Variants in AGBL4 observed in about 807,000 individuals in gnomAD.
The protein encoded by AGBL4 is AGBL carboxypeptidase 4.
AGBL4 carries 58 observed loss-of-function variants against 66.4 expected under a neutral mutation model. The ratio of observed to expected loss-of-function variants is 0.87; its 90% CI spans 0.71 to 1.09. The LOEUF (loss-of-function observed/expected upper bound fraction) is 1.09. Among genes scored for constraint, AGBL4 ranks in the 50% least tolerant of loss-of-function variants. The probability of loss-of-function intolerance (pLI) is 0.00; values close to 1 mark genes in which losing one functional copy is unlikely to be tolerated. For synonymous variants in AGBL4, 234 were observed against 222.9 expected, an observed-to-expected ratio of 1.05 and a Z score of -0.44; for missense variants, 579 against 631.0, an observed-to-expected ratio of 0.92 and a Z score of 0.88.
At chr1:48,684,091 GA>G (rs2148483482) in intron 6 of AGBL4, among the ~76,000 whole-genome samples, 1 of 152,316 alleles carries the variant, frequency 6.6e-6, no homozygotes, top group African/African-American at 2.4e-5. Context: ...TCACATCCCA[GA>G]AGGAATTGGG....
At chr1:49,196,452 C>T (rs1211152459) in intron 4 of AGBL4, among the ~76,000 whole-genome samples, 1 of 152,120 alleles carries the variant, frequency 6.6e-6, no homozygotes, top group Non-Finnish European at 1.5e-5. Context: ...TCAGATTTCT[C>T]TTGCACCTCA....
intron 3 of AGBL4, among the ~76,000 whole-genome samples, chr1:49,346,406 G>T (rs927016831): frequency 1.4e-4 from 22 of 152,116 alleles, no homozygotes; most frequent in Non-Finnish European, 2.8e-4. Context: ...GAATTGCCTG[G>T]TGATCCCACG....
Position 49,604,883 on chromosome 1 carries a change from T to C in AGBL4, c.282+92430A>G, listed in dbSNP as rs543494614. Among the ~76,000 whole-genome samples the C allele has an allele frequency of 1.4e-4, 21 of 152,316 alleles. No homozygotes were observed. In the East Asian group the frequency reaches 3.9e-3, roughly 28 times the overall value. ...AGACTTCATCTCAGAAAGATTATCA[T>C]ATATTTTTCAAACACATACAGAGCT... On this transcript the variant is annotated intron_variant, in intron 3 of 13. Transcript: ENST00000371839.
chr1:49,450,530 C>A lies in AGBL4; in HGVS notation c.283-204666G>T, dbSNP rs1334165005. ...ATTCTCTTAGGTATTTCAGAAATGTCTGATGGGGTCATTCATTTATTCATT... is the reference window on the plus strand; with the variant it reads ...ATTCTCTTAGGTATTTCAGAAATGTATGATGGGGTCATTCATTTATTCATT... On this transcript the variant is annotated intron_variant, in intron 3 of 13. Transcript: ENST00000371839. 5.3e-5 allele frequency among the ~76,000 whole-genome samples: 8 copies of A among 152,098 alleles called. No homozygotes were observed. In the South Asian group the frequency reaches 1.7e-3, roughly 32 times the overall value.
intron 2 of AGBL4, among the ~76,000 whole-genome samples, chr1:49,715,119 C>T (rs561667263): frequency 6.6e-6 from 1 of 152,180 alleles, no homozygotes; most frequent in African/African-American, 2.4e-5. Context: ...CTCCCCTAGC[C>T]CCCCAGCCCC....
chr1:49,415,120 ACTT>A (rs559058094), intron 3 of AGBL4, among the ~76,000 whole-genome samples: 133 of 152,198 alleles, frequency 8.7e-4, no homozygotes, highest in Non-Finnish European at 1.6e-3. Flanking sequence ...ACTCTTTCCT[ACTT>A]CTTCGCTAGC....
chr1:48,736,318 G>A lies in AGBL4; in HGVS notation c.635-73077C>T. 6.2e-7 allele frequency: 1 copy of A among 1,614,104 alleles called. No individual in the cohort carries two copies. Among genetic ancestry groups the A allele is most frequent in the Middle Eastern group, 1.6e-4 (1 of 6,062 alleles). ...TCTTTTTTTTTGTGGCGACGCCTGT[G>A]ACGCTTCTGTTTTTCAGAACATCTG... On this transcript the variant is annotated intron_variant, in intron 6 of 13. Coordinates refer to ENST00000371839, the MANE Select transcript of AGBL4 (RefSeq NM_032785.4). The surrounding 1 kb of genome is among the most constrained non-coding windows in gnomAD (Gnocchi z 4.0).
intron 3 of AGBL4, among the ~76,000 whole-genome samples, chr1:49,286,819 A>G (rs1038156283): frequency 2.6e-5 from 4 of 152,298 alleles, no homozygotes; most frequent in Admixed American, 6.5e-5. Context: ...TGCCATCCCC[A>G]TCAAGCTACC....
At chr1:49,044,261 G>A (rs1014230112) in intron 5 of AGBL4, among the ~76,000 whole-genome samples, 3 of 152,118 alleles carry the variant, frequency 2.0e-5, no homozygotes, top group Non-Finnish European at 4.4e-5. Context: ...ACTTTGGGAG[G>A]CCGAGGCGGG....
chr1:49,432,615 A>G lies in AGBL4; in HGVS notation c.283-186751T>C, dbSNP rs150774444. ...TAAAATAGAATCATACTATACATCT[A>G]TTTTACATGGTTTTACTTTTTATAT... On this transcript the variant is annotated intron_variant, in intron 3 of 13. Transcript: ENST00000371839. 3.4e-3 allele frequency among the ~76,000 whole-genome samples: 524 copies of G among 152,166 alleles called. 5 individuals carry two copies. Among genetic ancestry groups the G allele is most frequent in the African/African-American group, 0.012 (508 of 41,462 alleles).
chr1:48,742,964 G>T (rs888653413), intron 6 of AGBL4, among the ~76,000 whole-genome samples: 1 of 152,184 alleles, frequency 6.6e-6, no homozygotes, highest in Non-Finnish European at 1.5e-5. Context: ...GTGGAAAACT[G>T]GAAGACAAGA....
At chr1:49,203,850 T>C (rs978180489) in intron 4 of AGBL4, among the ~76,000 whole-genome samples, 1 of 152,182 alleles carries the variant, frequency 6.6e-6, no homozygotes, top group Non-Finnish European at 1.5e-5. Flanking sequence ...AGAAAAGTGT[T>C]AGAGATATGT....
chr1:48,775,110 G>A (rs1391019246), intron 6 of AGBL4, among the ~76,000 whole-genome samples: 1 of 152,176 alleles, frequency 6.6e-6, no homozygotes, highest in Non-Finnish European at 1.5e-5. Flanking sequence ...AACCTAATCA[G>A]CTATGAATGG....
rs111929901 is a variant in AGBL4, at chr1:49,672,259, T to C, written c.282+25054A>G. ...ACAGAAAACCAAATACTTCATGTTC[T>C]CACTTATAAGTGAGAGCTAAATGAT... On this transcript the variant is annotated intron_variant, in intron 3 of 13. Coordinates refer to ENST00000371839, the MANE Select transcript of AGBL4 (RefSeq NM_032785.4). Among the ~76,000 whole-genome samples, 435 of 151,382 alleles carry C rather than the reference T, an allele frequency of 2.9e-3. 1 individual carries two copies. Among genetic ancestry groups the C allele is most frequent in the South Asian group, 5.0e-3 (24 of 4,812 alleles).
Position 48,736,483 on chromosome 1 carries a change from T to C in AGBL4, c.635-73242A>G. The C allele has an allele frequency of 6.3e-7, 1 of 1,595,944 alleles. No homozygotes were observed. The highest frequency in any genetic ancestry group is 8.6e-7 in the Non-Finnish European group (1 of 1,164,174). On this transcript the variant is annotated intron_variant, in intron 6 of 13. Transcript: ENST00000371839. This position sits in a 1 kb window ranked among gnomAD's most constrained non-coding sequence, Gnocchi z 4.0. ...AGGAATAAGAACACCAGCACCTGTTTAGTCCGACAGGAGGGCAGTGGGAGG... is the reference window on the plus strand; with the variant it reads ...AGGAATAAGAACACCAGCACCTGTTCAGTCCGACAGGAGGGCAGTGGGAGG...
intron 1 of AGBL4, among the ~76,000 whole-genome samples, chr1:49,979,708 C>T (rs1658902588): frequency 6.6e-6 from 1 of 152,156 alleles, no homozygotes; most frequent in South Asian, 2.1e-4. Flanking sequence ...GTTCATCTCT[C>T]CAGTAAAGCA....
At chr1:48,737,252 C>T (rs1285865990) in intron 6 of AGBL4, among the ~76,000 whole-genome samples, 1 of 151,900 alleles carries the variant, frequency 6.6e-6, no homozygotes, top group African/African-American at 2.4e-5. Flanking sequence ...CCACTGCACT[C>T]CAGTCTGGGA....
intron 11 of AGBL4, among the ~76,000 whole-genome samples, chr1:48,573,593 C>T (rs898988332): frequency 6.6e-6 from 1 of 152,084 alleles, no homozygotes; most frequent in African/African-American, 2.4e-5. Flanking sequence ...AAACTATGCA[C>T]GTGAGGACAG....
intron 3 of AGBL4, among the ~76,000 whole-genome samples, chr1:49,545,770 A>G (rs1652426492): frequency 6.6e-6 from 1 of 152,238 alleles, no homozygotes; most frequent in Admixed American, 6.5e-5. Context: ...AACTATGTCT[A>G]CTATCAAATA....
Sources: gnomAD v4.1 joint callset for allele counts (sites outside exome capture counted in the v4.1 genomes callset) on GRCh38, gnomAD v4.1.1 for gene constraint, Gnocchi (gnomAD v3.1) non-coding constraint, MANE v1.5 for transcripts, NCBI Gene and HGNC (gene_info 2026-07-23, HGNC 2026-07-21) for gene names.